DNM3: variants seen among roughly 807,000 people sequenced by gnomAD.
DNM3 encodes the protein dynamin 3.
A neutral mutation model predicts 101.6 loss-of-function variants in DNM3; 47 were observed. The ratio of observed to expected loss-of-function variants is 0.46; its 90% CI spans 0.37 to 0.59. The LOEUF (loss-of-function observed/expected upper bound fraction) is 0.59, where lower values mean the gene tolerates loss of function less well. Ranked by LOEUF, DNM3 falls within the 20% of genes least tolerant of loss-of-function variation. DNM3 has a pLI of 0.00. For missense variants in DNM3, 849 were observed against 1,085.7 expected (o/e 0.78, Z 3.06); for synonymous variants, 385 against 387.9 (o/e 0.99, Z 0.09).
intron 14 of DNM3, among the ~76,000 whole-genome samples, chr1:172,197,808 G>A (rs920250576): frequency 6.6e-6 from 1 of 151,886 alleles, no homozygotes; most frequent in Non-Finnish European, 1.5e-5. Flanking sequence ...AGTGCTTTTG[G>A]GCTGAGACTC....
intron 2 of DNM3, among the ~76,000 whole-genome samples, chr1:171,940,795 C>T (rs1423275280): frequency 6.6e-6 from 1 of 152,048 alleles, no homozygotes; most frequent in African/African-American, 2.4e-5. Flanking sequence ...CATCATTGTA[C>T]TATTTTAACA....
chr1:172,296,106 G>A (rs2586408), intron 15 of DNM3, among the ~76,000 whole-genome samples: 42,581 of 151,988 alleles, frequency 0.28, 6,072 homozygotes, highest in East Asian at 0.31. Flanking sequence ...ATATTTATGC[G>A]TATGAGATTC....
intron 15 of DNM3, among the ~76,000 whole-genome samples, chr1:172,269,362 G>T (rs1441550914): frequency 1.3e-5 from 2 of 152,134 alleles, no homozygotes; most frequent in Non-Finnish European, 2.9e-5. Flanking sequence ...CTGCAGCTTG[G>T]GACAGAAGTG....
chr1:172,006,172 G>A (rs1413536865), intron 4 of DNM3, among the ~76,000 whole-genome samples: 1 of 152,036 alleles, frequency 6.6e-6, no homozygotes, highest in East Asian at 1.9e-4. Flanking sequence ...GTGCCTACAG[G>A]GCAGGCAATT....
intron 17 of DNM3, among the ~76,000 whole-genome samples, chr1:172,360,646 C>G (rs929801108): frequency 6.6e-6 from 1 of 151,996 alleles, no homozygotes; most frequent in Admixed American, 6.6e-5. Context: ...GTGTAACACA[C>G]CCAGCTCCCC....
At chr1:172,336,319 T>C (rs1400399106) in intron 17 of DNM3, among the ~76,000 whole-genome samples, 1 of 152,152 alleles carries the variant, frequency 6.6e-6, no homozygotes, top group Non-Finnish European at 1.5e-5. Context: ...CTAGCGTTAA[T>C]GCACTTTCTA....
At chr1:171,959,054 G>A (rs1347385450) in intron 2 of DNM3, among the ~76,000 whole-genome samples, 1 of 152,150 alleles carries the variant, frequency 6.6e-6, no homozygotes, top group South Asian at 2.1e-4. Flanking sequence ...ACTGAAAAAT[G>A]TGTTGGTTAG....
intron 13 of DNM3, among the ~76,000 whole-genome samples, chr1:172,098,922 G>A (rs1179952294): frequency 6.6e-6 from 1 of 152,212 alleles, no homozygotes; most frequent in Non-Finnish European, 1.5e-5. Flanking sequence ...GTTGGACTGT[G>A]GAAGGTCCTG....
At chr1:172,014,879 A>G (rs2047351121) in intron 4 of DNM3, among the ~76,000 whole-genome samples, 1 of 151,884 alleles carries the variant, frequency 6.6e-6, no homozygotes, top group African/African-American at 2.4e-5. Flanking sequence ...AGGGTGATGT[A>G]GGTTTTTATC....
chr1:172,049,755 T>C (rs1328176745), intron 10 of DNM3, among the ~76,000 whole-genome samples: 1 of 152,148 alleles, frequency 6.6e-6, no homozygotes, highest in Admixed American at 6.6e-5. Flanking sequence ...TACTAGCAGT[T>C]ACCTTTCTGA....
chr1:172,101,133 GA>G, intron 13 of DNM3, among the ~76,000 whole-genome samples: 1 of 152,324 alleles, frequency 6.6e-6, no homozygotes. Context: ...AGACGCTGGA[GA>G]AGGTGCATCA....
chr1:172,101,087 C>T (rs997373397), intron 13 of DNM3, among the ~76,000 whole-genome samples: 14 of 152,142 alleles, frequency 9.2e-5, no homozygotes, highest in African/African-American at 3.1e-4. Context: ...GGCTGCCTCT[C>T]CCCCTGAAAG....
chr1:172,235,293 T>G (rs906248916), intron 14 of DNM3, among the ~76,000 whole-genome samples: 1 of 152,182 alleles, frequency 6.6e-6, no homozygotes, highest in African/African-American at 2.4e-5. Flanking sequence ...AAAACCACAA[T>G]GAGATACCAT....
chr1:172,370,929 G>C lies in DNM3; in HGVS notation c.1894-8089G>C, dbSNP rs1214299899. On this transcript the variant is annotated intron_variant, in intron 17 of 20. Coordinates refer to ENST00000627582, the MANE Select transcript of DNM3 (RefSeq NM_015569.5). ...GAGAAAGCTATTATTTTTGTCTTTT[G>C]ACCAGCAAATCTATATATCTTTCTT... Among the ~76,000 whole-genome samples the C allele has an allele frequency of 4.0e-5, 6 of 151,844 alleles. 1 individual carries two copies. Among genetic ancestry groups the C allele is most frequent in the Non-Finnish European group, 8.8e-5 (6 of 67,884 alleles).
intron 4 of DNM3, among the ~76,000 whole-genome samples, chr1:172,015,679 T>C (rs1429481694): frequency 6.6e-6 from 1 of 152,230 alleles, no homozygotes; most frequent in Non-Finnish European, 1.5e-5. Flanking sequence ...TCAATACTTT[T>C]GGATTTTCTA....
intron 4 of DNM3, among the ~76,000 whole-genome samples, chr1:172,030,318 A>G (rs771446080): frequency 6.6e-6 from 1 of 152,246 alleles, no homozygotes; most frequent in Non-Finnish European, 1.5e-5. Flanking sequence ...AGGATTTCCT[A>G]TTTAATAAAT....
chr1:172,101,556 T>C (rs2054640556), intron 13 of DNM3, among the ~76,000 whole-genome samples: 1 of 152,236 alleles, frequency 6.6e-6, no homozygotes. Context: ...TACTTAGGTA[T>C]GGTGTTGGGT....
intron 2 of DNM3, among the ~76,000 whole-genome samples, chr1:171,946,686 A>G (rs925536841): frequency 3.3e-5 from 5 of 152,210 alleles, no homozygotes; most frequent in African/African-American, 1.2e-4. Context: ...TATTTGGCTC[A>G]TGGTTCTGAA....
intron 15 of DNM3, among the ~76,000 whole-genome samples, chr1:172,292,350 A>G (rs565724476): frequency 5.3e-5 from 8 of 152,318 alleles, no homozygotes; most frequent in Middle Eastern, 3.4e-3. Context: ...GGTCTTTAAT[A>G]TATCCTGAAT....
Sources: allele counts gnomAD v4.1 joint callset (sites outside exome capture counted in the v4.1 genomes callset), GRCh38; gene constraint gnomAD v4.1.1; transcripts MANE v1.5; gene names NCBI Gene and HGNC (gene_info 2026-07-23, HGNC 2026-07-21).